Variants in ZDHHC11B observed in about 807,000 individuals in gnomAD.
ZDHHC11B encodes probable palmitoyltransferase ZDHHC11B.
A neutral mutation model predicts 42.3 loss-of-function variants in ZDHHC11B; 17 were observed. The ratio of observed to expected loss-of-function variants is 0.40; its 90% CI spans 0.27 to 0.60. The LOEUF (loss-of-function observed/expected upper bound fraction) is 0.60. ZDHHC11B is among the 20% of genes least tolerant of loss of function. The pLI is 0.41. For missense variants in ZDHHC11B, 262 were observed against 463.2 expected, an observed-to-expected ratio of 0.57 and a Z score of 3.99; for synonymous variants, 123 against 193.5, an observed-to-expected ratio of 0.64 and a Z score of 3.02.
At chr5:767,638 C>G in intron 2 of ZDHHC11B, 114 bp from the exon 3 acceptor site, 1 of 786,386 alleles carries the variant, frequency 1.3e-6, no homozygotes, top group East Asian at 2.8e-5. Flanking sequence ...AGCCAGCACC[C>G]CAGTCTCACC....
Position 727,265 on chromosome 5 carries a change from A to C in ZDHHC11B, c.1058+3169T>G, listed in dbSNP as rs1470174302. On this transcript the variant is annotated intron_variant, in intron 12 of 13. Transcript: ENST00000508859. ...GACGGAGCTTCTGGGGCAACTCAGG[A>C]AGAGCAAGGCAGGAACTTCCATCCT... Among the ~76,000 whole-genome samples the C allele has an allele frequency of 2.7e-4, 35 of 128,084 alleles. 1 individual carries two copies. The highest frequency in any genetic ancestry group is 5.2e-4 in the Non-Finnish European group (29 of 55,744). The allele number at this position is 128,084 out of a possible 152,430, so 84.0% of individuals were successfully genotyped here. A position where few individuals can be genotyped will look rare whatever the true frequency, so the allele number is the denominator to read the frequency against.
intron 8 of ZDHHC11B, among the ~76,000 whole-genome samples, chr5:745,841 A>C (rs1272827954): frequency 6.7e-6 from 1 of 149,706 alleles, no homozygotes; most frequent in Non-Finnish European, 1.5e-5. Context: ...GGTGCTGGCT[A>C]GCGGGTCCTG....
rs1170640862 is a variant in ZDHHC11B, at chr5:784,456, C to G, written c.-230+212G>C. 2.0e-5 allele frequency among the ~76,000 whole-genome samples: 3 copies of G among 152,244 alleles called. No individual in the cohort carries two copies. The East Asian group carries it at 5.8e-4, about 29-fold the overall frequency. On this transcript the variant is annotated intron_variant, in intron 1 of 13. Coordinates refer to ENST00000508859, the MANE Select transcript of ZDHHC11B (RefSeq NM_001351303.2). ...GCTCGCGGCCTTTGCAAAGCCTCCC[C>G]GTCGCGTCCTCGCACCGAGCCCGCA...
At chr5:774,947 G>T (rs1736351917) in intron 1 of ZDHHC11B, among the ~76,000 whole-genome samples, 1 of 152,026 alleles carries the variant, frequency 6.6e-6, no homozygotes, top group Admixed American at 6.6e-5. Flanking sequence ...GGATGGCTGT[G>T]GGGTGGCTGA....
chr5:762,453 G>A (rs1245922441), intron 4 of ZDHHC11B, among the ~76,000 whole-genome samples: 2 of 151,978 alleles, frequency 1.3e-5, no homozygotes, highest in Middle Eastern at 6.8e-3. Flanking sequence ...GAGACCAGCT[G>A]GACCCAGCCC....
At chr5:776,649 A>G (rs1221777636) in intron 1 of ZDHHC11B, among the ~76,000 whole-genome samples, 8 of 151,852 alleles carry the variant, frequency 5.3e-5, no homozygotes, top group African/African-American at 1.9e-4. Context: ...CCCAGAAGCA[A>G]AAGCCACCCT....
chr5:729,677 G>A (rs62332090), intron 12 of ZDHHC11B, among the ~76,000 whole-genome samples: 12,743 of 139,876 alleles, frequency 0.091, 1,068 homozygotes, highest in Non-Finnish European at 0.14. Context: ...GTAGAGTGTA[G>A]GAGCGCAATA....
rs2335614 is a variant in ZDHHC11B at position 749,572 on chromosome 5, C to G, written c.629-1013G>C. ...TCACGATGAGTTCAGCCCATGAGAA[C>G]AAGGAGCTGCTTTGCTCAGGGCCTT... On this transcript the variant is annotated intron_variant, in intron 7 of 13. Transcript: ENST00000508859. Among the ~76,000 whole-genome samples the G allele has an allele frequency of 6.5e-3, 836 of 128,488 alleles. 14 individuals carry two copies. The highest frequency in any genetic ancestry group is 0.02 in the African/African-American group (761 of 38,164). 84.3% of individuals were successfully genotyped at this position (128,488 alleles called of 152,430 possible).
At chr5:744,336 T>C (rs1404888662) in intron 9 of ZDHHC11B, among the ~76,000 whole-genome samples, 2 of 149,604 alleles carry the variant, frequency 1.3e-5, no homozygotes, top group Non-Finnish European at 3.0e-5. Flanking sequence ...TGGGAAGTGT[T>C]GCTTCCTTCT....
intron 6 of ZDHHC11B, among the ~76,000 whole-genome samples, chr5:754,226 A>G (rs1380135048): frequency 0.24 from 10,545 of 44,472 alleles, 514 homozygotes; most frequent in East Asian, 0.38. Flanking sequence ...AACACGTCTC[A>G]TCTATGAGCC....
At chr5:719,200 G>A (rs1741999406) in intron 12 of ZDHHC11B, among the ~76,000 whole-genome samples, 1 of 151,682 alleles carries the variant, frequency 6.6e-6, no homozygotes, top group African/African-American at 2.4e-5. Context: ...AGGAGGAGAA[G>A]CACTTGATTT....
intron 6 of ZDHHC11B, among the ~76,000 whole-genome samples, chr5:754,632 G>A (rs1423522559): frequency 1.7e-5 from 2 of 115,586 alleles, no homozygotes; most frequent in East Asian, 3.7e-4. Flanking sequence ...TGCGCTGGGT[G>A]CCCACTGCCC....
chr5:712,068 G>A lies in ZDHHC11B; in HGVS notation c.*222C>T, dbSNP rs1298226007. The A allele has an allele frequency of 8.4e-6, 1 of 118,786 alleles. No homozygotes were observed. The highest frequency in any genetic ancestry group is 1.8e-5 in the Non-Finnish European group (1 of 56,122). 7.4% of individuals were successfully genotyped at this position (118,786 alleles called of 1,614,324 possible). Reference sequence around the variant, plus strand: ...TCCTGCAAGGCTGGCTCTTCTTTGGGTGTGATGAAGATGATGACAGAGATG... The same window carrying A: ...TCCTGCAAGGCTGGCTCTTCTTTGGATGTGATGAAGATGATGACAGAGATG... On this transcript the variant is annotated 3_prime_UTR_variant, in exon 14 of 14. Coordinates refer to ENST00000508859, the MANE Select transcript of ZDHHC11B (RefSeq NM_001351303.2).
chr5:777,425 C>T (rs984901847), intron 1 of ZDHHC11B, among the ~76,000 whole-genome samples: 1 of 151,564 alleles, frequency 6.6e-6, no homozygotes, highest in Non-Finnish European at 1.5e-5. Flanking sequence ...CAGACCTTCG[C>T]TGCAGACCTC....
Position 760,851 on chromosome 5 carries a change from C to T in ZDHHC11B, c.223-4707G>A, listed in dbSNP as rs184991586. Among the ~76,000 whole-genome samples, 79 of 151,568 alleles carry T rather than the reference C, an allele frequency of 5.2e-4. 1 individual carries two copies. The highest frequency in any genetic ancestry group is 1.8e-3 in the African/African-American group (76 of 41,298). On this transcript the variant is annotated intron_variant, in intron 4 of 13. Transcript: ENST00000508859. Reference sequence around the variant, plus strand: ...CTCCCAAGGAACCGCTGCGTCCCCACCTACAGGGCCTCCTGACAGTGCAGC... The same window carrying T: ...CTCCCAAGGAACCGCTGCGTCCCCATCTACAGGGCCTCCTGACAGTGCAGC...
chr5:719,074 T>C (rs1463688822), intron 12 of ZDHHC11B, among the ~76,000 whole-genome samples: 1 of 151,800 alleles, frequency 6.6e-6, no homozygotes, highest in Non-Finnish European at 1.5e-5. Flanking sequence ...TAACTGGTCA[T>C]AGAGATAAAG....
intron 4 of ZDHHC11B, among the ~76,000 whole-genome samples, chr5:762,136 C>T (rs1227184685): frequency 3.3e-5 from 5 of 151,332 alleles, no homozygotes; most frequent in African/African-American, 9.7e-5. Context: ...CAGACGGCCA[C>T]TCACAGCCCA....
intron 1 of ZDHHC11B, among the ~76,000 whole-genome samples, chr5:772,465 C>T (rs1412556512): frequency 2.0e-5 from 3 of 151,976 alleles, no homozygotes; most frequent in Admixed American, 6.6e-5. Context: ...TACCCACGTC[C>T]ACTGTCCCAC....
In ZDHHC11B at chr5:748,480, G is replaced by A. The variant is rs1398612500; in HGVS notation, c.708C>T (p.Ile236=). ...VQVQTLIVVI[I]RMLVLLLDLL... is the part of the protein sequence containing the mutation. ...GGTCCAGCAGGAGCACGAGCATCCT[G>A]ATGATCACGACTATCAGAGTCTGCA... Residue 236 remains isoleucine, a synonymous_variant, in exon 8 of 14, where the codon ATC becomes ATT. Coordinates refer to ENST00000508859, the MANE Select transcript of ZDHHC11B (RefSeq NM_001351303.2). 2.9e-6 allele frequency: 4 copies of A among 1,363,988 alleles called. 1 individual carries two copies. The highest frequency in any genetic ancestry group is 2.9e-6 in the Non-Finnish European group (3 of 1,024,458). The allele number at this position is 1,363,988 out of a possible 1,614,324, so 84.5% of individuals were successfully genotyped here. A position where few individuals can be genotyped will look rare whatever the true frequency, so the allele number is the denominator to read the frequency against.
Sources: allele counts gnomAD v4.1 joint callset (sites outside exome capture counted in the v4.1 genomes callset), GRCh38; gene constraint gnomAD v4.1.1; transcripts MANE v1.5; gene names NCBI Gene and HGNC (gene_info 2026-07-23, HGNC 2026-07-21).